Variants in ZNF235 observed in about 807,000 individuals in gnomAD.
ZNF235 encodes zinc finger protein 235.
In ZNF235, 25 loss-of-function variants were observed where a neutral mutation model predicts 29.4. The ratio of observed to expected loss-of-function variants is 0.85; its 90% CI spans 0.62 to 1.19. ZNF235 has a LOEUF of 1.19. ZNF235 is among the 50% of genes most tolerant of loss of function. ZNF235 has a pLI of 0.00. For synonymous variants in ZNF235, 300 were observed against 295.3 expected (o/e 1.02, Z -0.16); for missense variants, 788 against 885.0 (o/e 0.89, Z 1.39).
In ZNF235 at chr19:44,288,095, T is replaced by C. The variant is rs200301700; in HGVS notation, c.1340A>G (p.His447Arg). 21 of 1,614,078 alleles carry C rather than the reference T, an allele frequency of 1.3e-5. No homozygotes were observed. Among genetic ancestry groups the C allele is most frequent in the Admixed American group, 3.3e-5 (2 of 60,002 alleles). The change falls in exon 5 of 5, where the codon CAT becomes CGT. Residue 447 changes from histidine to arginine, a missense_variant. Physicochemically the swap from His to Arg is conservative, Grantham distance 29. Coordinates refer to ENST00000291182, the MANE Select transcript of ZNF235 (RefSeq NM_004234.4). ...GKRFSCSSNL[H>R]THQRVHTEEK... The stretch of plus-strand genomic sequence containing the variant: ...TTCAGTGTGGACTCTCTGATGGGTA[T>C]GAAGATTTGAGCTACAACTAAAGCG...
At chr19:44,298,673 G>C in intron 4 of ZNF235, 135 bp downstream of exon 4, 2 of 650,974 alleles carry the variant, frequency 3.1e-6, no homozygotes, top group Non-Finnish European at 5.2e-6. Flanking sequence ...TGGGATTAGA[G>C]GCTTGAGCCA....
At chr19:44,291,834 CA>C (rs750284433) in intron 4 of ZNF235, among the ~76,000 whole-genome samples, 2 of 151,986 alleles carry the variant, frequency 1.3e-5, no homozygotes, top group Non-Finnish European at 2.9e-5. Flanking sequence ...AAGGAAGAAA[CA>C]ATACCAATGC....
chr19:44,304,779 C>T, intron 1 of ZNF235, 192 bp downstream of exon 1: 5 of 985,438 alleles, frequency 5.1e-6, no homozygotes, highest in Non-Finnish European at 6.0e-6. Context: ...CCCTCAACCT[C>T]GAAGGACGAC....
Position 44,289,009 on chromosome 19 carries a change from T to C in ZNF235, c.426A>G (p.Gln142=). 2 of 1,614,152 alleles carry C rather than the reference T, an allele frequency of 1.2e-6. No individual in the cohort carries two copies. The highest frequency in any genetic ancestry group is 1.7e-6 in the Non-Finnish European group (2 of 1,180,006). The change falls in exon 5 of 5, where the codon CAA becomes CAG. Residue 142 remains glutamine, a synonymous_variant. Transcript: ENST00000291182. ...CTTGAATAGATTCTCCTGCTCCCAC[T>C]TGACAGGGGGAATCATGGTGCTTGG... The part of the protein sequence containing the change: ...QFPKHHDSPC[Q]VGAGESIQAS...
chr19:44,297,179 G>T, intron 4 of ZNF235: 1 of 174,618 alleles, frequency 5.7e-6, no homozygotes, highest in Non-Finnish European at 1.2e-5. Flanking sequence ...CTTCACCATT[G>T]CAGGCCATGC....
rs771514564 is a variant in ZNF235, at chr19:44,287,188, T to TA, written c.*29dup. On this transcript the variant is annotated 3_prime_UTR_variant, in exon 5 of 5. Coordinates refer to ENST00000291182, the MANE Select transcript of ZNF235 (RefSeq NM_004234.4). The stretch of plus-strand genomic sequence containing the variant: ...CCAACGGAGACAAAGATGTGAGCTC[T>TA]AACTGAAGGCTGAACCACACCTCTC... The TA allele has an allele frequency of 4.5e-5, 69 of 1,540,096 alleles. No homozygotes were observed. The highest frequency in any genetic ancestry group is 5.4e-5 in the Non-Finnish European group (62 of 1,143,858).
intron 4 of ZNF235, 125 bp from the exon 5 acceptor site, chr19:44,289,321 T>G: frequency 1.2e-6 from 1 of 832,196 alleles, no homozygotes; most frequent in Non-Finnish European, 1.8e-6. Context: ...CTGGCTGAAA[T>G]AAATTTATAG....
At chr19:44,292,173 C>T (rs564538214) in intron 4 of ZNF235, among the ~76,000 whole-genome samples, 1 of 151,858 alleles carries the variant, frequency 6.6e-6, no homozygotes, top group South Asian at 2.1e-4. Context: ...CTTTATTCAA[C>T]ATTACTGAAG....
intron 4 of ZNF235, among the ~76,000 whole-genome samples, chr19:44,294,970 T>C (rs1975634722): frequency 6.6e-6 from 1 of 151,820 alleles, no homozygotes; most frequent in South Asian, 2.1e-4. Flanking sequence ...TGACAACCCA[T>C]AGGTAACATA....
At chr19:44,298,986 T>C (rs1309774467) in intron 3 of ZNF235, 83 bp from the exon 4 acceptor site, 92 of 929,882 alleles carry the variant, frequency 9.9e-5, no homozygotes, top group Non-Finnish European at 3.3e-6. Context: ...GATGTAAGTC[T>C]CCTCCCTGCC....
At chr19:44,298,711 TAAAA>T (rs1298133954) in intron 4 of ZNF235, 93 bp downstream of exon 4, 8 of 960,686 alleles carry the variant, frequency 8.3e-6, no homozygotes, top group Non-Finnish European at 1.3e-5. Flanking sequence ...AGATGTTTTT[TAAAA>T]AAGTCTCTCA....
chr19:44,290,806 C>T (rs1170106743), intron 4 of ZNF235: 1 of 153,376 alleles, frequency 6.5e-6, no homozygotes, highest in Non-Finnish European at 1.5e-5. Flanking sequence ...CTGAAGACAC[C>T]TTTCCCCTCT....
intron 2 of ZNF235, among the ~76,000 whole-genome samples, chr19:44,302,368 AAGC>A (rs1975750325): frequency 6.6e-6 from 1 of 152,222 alleles, no homozygotes; most frequent in South Asian, 2.1e-4. Flanking sequence ...ATCATTTAAA[AAGC>A]AGGTGATATA....
Position 44,299,625 on chromosome 19 carries a change from A to G in ZNF235, c.123T>C (p.Phe41=), listed in dbSNP as rs750366439. 14 of 1,614,000 alleles carry G rather than the reference A, an allele frequency of 8.7e-6. No homozygotes were observed. The highest frequency in any genetic ancestry group is 4.5e-5 in the East Asian group (2 of 44,898). The change falls in exon 3 of 5, where the codon TTT becomes TTC. Residue 41 remains phenylalanine (F), a synonymous_variant. Transcript: ENST00000291182. The part of the protein sequence containing the change: ...KLYRDVMLEN[F]RNLVSVGHQS... The stretch of plus-strand genomic sequence containing the variant: ...CCTTACCCACTGAAACCAGGTTCCT[A>G]AAGTTCTCCAGCATCACATCTCGGT...
chr19:44,293,752 A>G (rs1156742444), intron 4 of ZNF235, among the ~76,000 whole-genome samples: 1 of 152,140 alleles, frequency 6.6e-6, no homozygotes, highest in East Asian at 1.9e-4. Context: ...AAAACTAGAA[A>G]TCAATTCCAA....
chr19:44,299,788 A>C (rs2123104803), intron 2 of ZNF235, 56 bp from the exon 3 acceptor site: 2 of 1,611,442 alleles, frequency 1.2e-6, no homozygotes, highest in Non-Finnish European at 1.7e-6. Context: ...ACTGGCACCT[A>C]AGCAACTCTT....
chr19:44,291,092 G>A (rs766414921), intron 4 of ZNF235, among the ~76,000 whole-genome samples: 9 of 152,176 alleles, frequency 5.9e-5, no homozygotes, highest in Non-Finnish European at 1.2e-4. Flanking sequence ...TATCCAGTAA[G>A]AGCAGAAAAT....
chr19:44,299,715 C>T lies in ZNF235; in HGVS notation c.33G>A (p.Lys11=), dbSNP rs1301448328. 3.7e-6 allele frequency: 6 copies of T among 1,613,962 alleles called. No homozygotes were observed. Among genetic ancestry groups the T allele is most frequent in the Middle Eastern group, 1.6e-4 (1 of 6,082 alleles). The stretch of plus-strand genomic sequence containing the variant: ...CCTCAGTGAAGGCCACAGCCACATC[C>T]TTGAATGTCACTGCCTCCTAGAACA... MTKFQEAVTF[K]DVAVAFTEEE... is the part of the protein sequence containing the mutation. Residue 11 remains lysine, a synonymous_variant, in exon 3 of 5, where the codon AAG becomes AAA. Coordinates refer to ENST00000291182, the MANE Select transcript of ZNF235 (RefSeq NM_004234.4).
In ZNF235 at chr19:44,286,379, T is replaced by C. The variant is rs1395710394; in HGVS notation, c.*839A>G. The stretch of plus-strand genomic sequence containing the variant: ...CAATTCAAGTTTACTAAGAAACTTT[T>C]TGTCATCAGTAACTACTTTTAACAC... On this transcript the variant is annotated 3_prime_UTR_variant, in exon 5 of 5. Transcript: ENST00000291182. 1.3e-5 allele frequency: 2 copies of C among 152,214 alleles called. No homozygotes were observed. Among genetic ancestry groups the C allele is most frequent in the Admixed American group, 6.5e-5 (1 of 15,282 alleles). The allele number at this position is 152,214 out of a possible 1,614,324, so 9.4% of individuals were successfully genotyped here.
Sources: gnomAD v4.1 joint callset for allele counts (sites outside exome capture counted in the v4.1 genomes callset) on GRCh38, gnomAD v4.1.1 for gene constraint, MANE v1.5 for transcripts, NCBI Gene and HGNC (gene_info 2026-07-23, HGNC 2026-07-21) for gene names.